Variants in CECR2 observed in about 807,000 individuals in gnomAD.
CECR2 encodes chromatin remodeling regulator CECR2.
Under a neutral mutation model 154.5 loss-of-function variants are expected in CECR2, and 30 were observed. That is an observed-to-expected ratio of 0.19 (90% confidence interval 0.15 to 0.26). The LOEUF is 0.26. Ranked by LOEUF, CECR2 falls within the 10% of genes least tolerant of loss-of-function variation. The pLI, the probability that CECR2 is intolerant of heterozygous loss-of-function variation, is 1.00. For synonymous variants in CECR2, 725 were observed against 683.7 expected, an observed-to-expected ratio of 1.06 and a Z score of -0.94; for missense variants, 1,743 against 1,829.3, an observed-to-expected ratio of 0.95 and a Z score of 0.86.
intron 1 of CECR2, among the ~76,000 whole-genome samples, chr22:17,376,140 G>A (rs1416535352): frequency 6.6e-6 from 1 of 152,112 alleles, no homozygotes; most frequent in Admixed American, 6.5e-5. Flanking sequence ...GGGAGAATGT[G>A]CTATCATAAT....
In CECR2 at chr22:17,541,941, C is replaced by T; in HGVS notation, c.1987C>T (p.Gln663Ter). The change falls in exon 15 of 19, where the codon CAG becomes TAG. Residue 663 changes from glutamine to a stop codon, truncating the protein, a stop_gained. Coordinates refer to ENST00000262608, the MANE Select transcript of CECR2 (RefSeq NM_001290047.2). LOFTEE classifies it high-confidence loss of function. ...GGAGCCACACCCCGGGGAGCCTGTGCAGCAGCGTCAGCCTTTCACCATGCA... is the reference window on the plus strand; with the variant it reads ...GGAGCCACACCCCGGGGAGCCTGTGTAGCAGCGTCAGCCTTTCACCATGCA... ...VPEPHPGEPV[Q>*]QRQPFTMQPP... 6.2e-7 allele frequency: 1 copy of T among 1,613,844 alleles called. No individual in the cohort carries two copies. Among genetic ancestry groups the T allele is most frequent in the Non-Finnish European group, 8.5e-7 (1 of 1,179,830 alleles).
At chr22:17,377,344 G>A (rs1042831004) in intron 1 of CECR2, among the ~76,000 whole-genome samples, 15 of 152,204 alleles carry the variant, frequency 9.9e-5, no homozygotes, top group African/African-American at 3.1e-4. Flanking sequence ...TATCTCTAGT[G>A]TTCTTAAAGT....
intron 1 of CECR2, among the ~76,000 whole-genome samples, chr22:17,464,533 T>G (rs1274367806): frequency 6.6e-6 from 1 of 152,154 alleles, no homozygotes; most frequent in Non-Finnish European, 1.5e-5. Context: ...TCTTCTCTGC[T>G]TGGTCGTTCA....
chr22:17,440,024 T>C (rs983236206), intron 1 of CECR2, among the ~76,000 whole-genome samples: 1 of 151,730 alleles, frequency 6.6e-6, no homozygotes. Context: ...CGCCCATACA[T>C]TGATGCATGT....
intron 1 of CECR2, among the ~76,000 whole-genome samples, chr22:17,384,518 G>A (rs1161864245): frequency 1.3e-5 from 2 of 152,192 alleles, no homozygotes; most frequent in Non-Finnish European, 2.9e-5. Context: ...CAGAGCTCTT[G>A]GGTGACAAAG....
At position 17,539,112 on chromosome 22, in the gene CECR2, A is replaced by C. The variant is rs2056482020; in HGVS notation, c.1488A>C (p.Glu496Asp). The C allele has an allele frequency of 1.2e-6, 2 of 1,613,142 alleles. No individual in the cohort carries two copies. Among genetic ancestry groups the C allele is most frequent in the East Asian group, 4.5e-5 (2 of 44,876 alleles). Residue 496 changes from glutamate to aspartate, a missense_variant, in exon 13 of 19, where the codon GAA (glutamate) becomes GAC (aspartate). Glu to Asp is a conservative substitution (Grantham distance 45). Coordinates refer to ENST00000262608, the MANE Select transcript of CECR2 (RefSeq NM_001290047.2). ...MFRNCRKYNG[E>D]SSEYTKMSDN... ...GGAATTGTCGAAAGTATAATGGGGA[A>C]AGTAGTGGTAAGCAGGGAAGGAGTT...
chr22:17,548,239 C>A lies in CECR2; in HGVS notation c.2952C>A (p.Pro984=). Residue 984 remains proline (P), a synonymous_variant, in exon 17 of 19, where the codon CCC becomes CCA. Transcript: ENST00000262608. ...YLTQLPHPTP[P]LQTDCTRQSS... ...CACAACTACCTCACCCCACACCTCC[C>A]CTGCAGACTGACTGCACCAGGCAGA... 1 of 1,599,570 alleles carries A rather than the reference C, an allele frequency of 6.3e-7. No homozygotes were observed. Among genetic ancestry groups the A allele is most frequent in the East Asian group, 2.3e-5 (1 of 43,972 alleles).
intron 1 of CECR2, among the ~76,000 whole-genome samples, chr22:17,435,463 G>A (rs1431188296): frequency 6.6e-6 from 1 of 152,038 alleles, no homozygotes. Context: ...TTTGTGAATT[G>A]CTGATTAGAA....
chr22:17,500,913 A>G lies in CECR2; in HGVS notation c.650+178A>G, dbSNP rs543709445. Among the ~76,000 whole-genome samples, 17 of 152,350 alleles carry G rather than the reference A, an allele frequency of 1.1e-4. No individual in the cohort carries two copies. In the East Asian group the frequency reaches 3.3e-3, roughly 29 times the overall value. On this transcript the variant is annotated intron_variant, in intron 5 of 18. Transcript: ENST00000262608. ...AGTCAGGAAGCCCTTAGTGTGTGACATCTGGCAAGTCACCTCCCCTCTCTA... is the reference window on the plus strand; with the variant it reads ...AGTCAGGAAGCCCTTAGTGTGTGACGTCTGGCAAGTCACCTCCCCTCTCTA...
chr22:17,438,003 A>G (rs2054531486), intron 1 of CECR2, among the ~76,000 whole-genome samples: 1 of 152,198 alleles, frequency 6.6e-6, no homozygotes, highest in South Asian at 2.1e-4. Context: ...TTTTTCTGTG[A>G]TCTAGGAATA....
At chr22:17,540,321 A>G in intron 13 of CECR2, 91 bp from the exon 14 acceptor site, 1 of 1,184,476 alleles carries the variant, frequency 8.4e-7, no homozygotes, top group Non-Finnish European at 1.1e-6. Context: ...TGTGACCTAT[A>G]GTTCTGTTTC....
chr22:17,365,828 G>A (rs1048769428), upstream of CECR2, among the ~76,000 whole-genome samples: 17 of 151,676 alleles, frequency 1.1e-4, no homozygotes, highest in Non-Finnish European at 1.6e-4. Flanking sequence ...CCACTCCACT[G>A]CAGCCTGGAC....
chr22:17,493,801 C>T (rs2055572961), intron 2 of CECR2, among the ~76,000 whole-genome samples: 1 of 152,236 alleles, frequency 6.6e-6, no homozygotes, highest in Non-Finnish European at 1.5e-5. Flanking sequence ...GCTGGTATGC[C>T]TGTACTTTCT....
intron 1 of CECR2, among the ~76,000 whole-genome samples, chr22:17,380,924 G>A (rs1465454812): frequency 1.3e-5 from 2 of 152,180 alleles, no homozygotes; most frequent in African/African-American, 4.8e-5. Flanking sequence ...TTGCTTGACA[G>A]AAAATGTGTT....
At chr22:17,370,450 C>A (rs2146434576) in intron 1 of CECR2, among the ~76,000 whole-genome samples, 1 of 151,784 alleles carries the variant, frequency 6.6e-6, no homozygotes, top group Middle Eastern at 3.4e-3. Flanking sequence ...TCCCGGGAGG[C>A]GCTCCGGCCA....
chr22:17,398,260 A>ATT (rs1270547944), intron 1 of CECR2, among the ~76,000 whole-genome samples: 27 of 152,202 alleles, frequency 1.8e-4, no homozygotes, highest in African/African-American at 6.5e-4. Flanking sequence ...CGTTGGGCCC[A>ATT]AGAAAGCTGG....
In CECR2 at chr22:17,497,551, C is replaced by T; in HGVS notation, c.370C>T (p.Arg124Trp). Residue 124 changes from arginine (R) to tryptophan (W), a missense_variant, in exon 3 of 19, where the codon CGG becomes TGG. By Grantham distance (101) the Arg-to-Trp change is moderately radical. This residue lies in a region of CECR2 where 98 missense variants were observed against 169.3 expected (regional missense o/e 0.58). Transcript: ENST00000262608. ...VEILHRLCDYRLDADDVFDLL... is the reference protein window; with the variant it reads ...VEILHRLCDYWLDADDVFDLL... ...GATCCTGCACCGACTCTGTGATTAC[C>T]GGCTGGATGCAGACGATGTCTTCGA... 1 of 1,613,928 alleles carries T rather than the reference C, an allele frequency of 6.2e-7. No individual in the cohort carries two copies. The highest frequency in any genetic ancestry group is 8.5e-7 in the Non-Finnish European group (1 of 1,179,874).
chr22:17,474,791 C>T (rs1249125414), intron 1 of CECR2, among the ~76,000 whole-genome samples: 1 of 152,210 alleles, frequency 6.6e-6, no homozygotes, highest in Non-Finnish European at 1.5e-5. Flanking sequence ...TTGAAAACAC[C>T]CTCCCAGTTC....
At chr22:17,541,444 CAAAA>C (rs1216381978) in intron 14 of CECR2, among the ~76,000 whole-genome samples, 7 of 149,906 alleles carry the variant, frequency 4.7e-5, no homozygotes, top group Admixed American at 4.0e-4. Flanking sequence ...GACTCCGTCT[CAAAA>C]AAAGAAAAAA....
Sources: gnomAD v4.1 joint callset for allele counts (sites outside exome capture counted in the v4.1 genomes callset) on GRCh38, gnomAD v4.1.1 for gene constraint, gnomAD v4.1.1 regional missense constraint, MANE v1.5 for transcripts, NCBI Gene and HGNC (gene_info 2026-07-23, HGNC 2026-07-21) for gene names.